The following SPAG16 variants were observed in gnomAD, a reference collection of about 807,000 sequenced individuals.
The protein encoded by SPAG16 is sperm-associated antigen 16 protein.
Under a neutral mutation model 80.4 loss-of-function variants are expected in SPAG16, and 86 were observed. The ratio of observed to expected loss-of-function variants is 1.07; its 90% CI spans 0.90 to 1.28. The LOEUF is 1.28. Ranked by LOEUF, SPAG16 falls within the 50% of genes most tolerant of loss-of-function variation. The pLI, the probability that SPAG16 is intolerant of heterozygous loss-of-function variation, is 0.00. For synonymous variants in SPAG16, 294 were observed against 265.9 expected, an observed-to-expected ratio of 1.11 and a Z score of -1.03; for missense variants, 870 against 765.3, an observed-to-expected ratio of 1.14 and a Z score of -1.61.
chr2:213,443,014 C>A (rs1030475366), intron 9 of SPAG16, among the ~76,000 whole-genome samples: 2 of 151,960 alleles, frequency 1.3e-5, no homozygotes, highest in African/African-American at 4.8e-5. Flanking sequence ...TGATAAAGGA[C>A]CATTATACAA....
chr2:213,760,067 T>G (rs1450640029), intron 10 of SPAG16, among the ~76,000 whole-genome samples: 1 of 151,922 alleles, frequency 6.6e-6, no homozygotes, highest in Non-Finnish European at 1.5e-5. Flanking sequence ...TCAAAAATAG[T>G]AAAATGACAG....
At chr2:213,837,677 C>A (rs926229121) in intron 10 of SPAG16, among the ~76,000 whole-genome samples, 13 of 152,128 alleles carry the variant, frequency 8.5e-5, no homozygotes, top group Admixed American at 2.0e-4. Flanking sequence ...CCCCAAAACC[C>A]GGAATCCATA....
At chr2:213,386,322 A>G (rs1027458624) in intron 9 of SPAG16, among the ~76,000 whole-genome samples, 1 of 152,114 alleles carries the variant, frequency 6.6e-6, no homozygotes, top group African/African-American at 2.4e-5. Flanking sequence ...AAATATATAT[A>G]TATTTTGGTT....
intron 6 of SPAG16, among the ~76,000 whole-genome samples, chr2:213,343,661 C>T (rs1183532183): frequency 1.3e-5 from 2 of 151,412 alleles, no homozygotes; most frequent in Admixed American, 6.6e-5. Flanking sequence ...CAGAATTAAA[C>T]TGAAATTTGA....
chr2:213,301,921 G>A (rs72935177), intron 3 of SPAG16, among the ~76,000 whole-genome samples: 31,748 of 151,924 alleles, frequency 0.21, 4,323 homozygotes, highest in Non-Finnish European at 0.31. Context: ...TTTCCTCATC[G>A]TCTGTAACGT....
At chr2:214,190,686 A>G (rs968692031) in intron 15 of SPAG16, among the ~76,000 whole-genome samples, 1 of 152,020 alleles carries the variant, frequency 6.6e-6, no homozygotes, top group Admixed American at 6.6e-5. Context: ...CCATTATGAG[A>G]GTGGGGGCCC....
intron 12 of SPAG16, among the ~76,000 whole-genome samples, chr2:213,975,538 C>A (rs2045324593): frequency 6.6e-6 from 1 of 151,278 alleles, no homozygotes; most frequent in South Asian, 2.1e-4. Flanking sequence ...AAAGAGTTCT[C>A]AAATAAATAC....
At chr2:213,988,692 AC>A (rs1289021633) in intron 12 of SPAG16, among the ~76,000 whole-genome samples, 3 of 151,664 alleles carry the variant, frequency 2.0e-5, no homozygotes, top group Middle Eastern at 3.4e-3. Context: ...AAAAAAAAAA[AC>A]ATTCAAAATA....
chr2:213,538,881 A>C (rs2076338923), intron 10 of SPAG16, among the ~76,000 whole-genome samples: 1 of 152,192 alleles, frequency 6.6e-6, no homozygotes, highest in South Asian at 2.1e-4. Flanking sequence ...ACATACAGAC[A>C]CACACATAAT....
intron 10 of SPAG16, among the ~76,000 whole-genome samples, chr2:213,528,534 T>A (rs559785839): frequency 5.3e-5 from 8 of 152,132 alleles, no homozygotes; most frequent in African/African-American, 1.9e-4. Flanking sequence ...GCCTTCTCAA[T>A]ACAGAATAAT....
intron 10 of SPAG16, among the ~76,000 whole-genome samples, chr2:213,679,221 A>C (rs1214767522): frequency 6.6e-6 from 1 of 152,228 alleles, no homozygotes. Flanking sequence ...TTATCTATAC[A>C]CTATGGTCAT....
intron 7 of SPAG16, among the ~76,000 whole-genome samples, chr2:213,355,772 G>T (rs1466657477): frequency 5.3e-5 from 8 of 152,162 alleles, no homozygotes. Flanking sequence ...GGGCTGAGAT[G>T]ATGGGGTTTT....
At chr2:213,617,005 T>C (rs2061617846) in intron 10 of SPAG16, among the ~76,000 whole-genome samples, 1 of 152,086 alleles carries the variant, frequency 6.6e-6, no homozygotes, top group African/African-American at 2.4e-5. Context: ...GTGTCTTTGT[T>C]TGCATGCACA....
chr2:214,396,173 C>A (rs892810281), intron 15 of SPAG16, among the ~76,000 whole-genome samples: 13 of 151,834 alleles, frequency 8.6e-5, no homozygotes, highest in Non-Finnish European at 8.8e-5. Context: ...TTTAAGAGTT[C>A]TTTGTATAAT....
At chr2:214,392,208 G>A (rs1020686278) in intron 15 of SPAG16, among the ~76,000 whole-genome samples, 2 of 152,034 alleles carry the variant, frequency 1.3e-5, no homozygotes, top group Admixed American at 1.3e-4. Context: ...CCATCACCCA[G>A]GCTGGAATGC....
intron 10 of SPAG16, among the ~76,000 whole-genome samples, chr2:213,648,607 C>A (rs1004998332): frequency 3.9e-5 from 6 of 152,098 alleles, no homozygotes; most frequent in African/African-American, 1.4e-4. Context: ...CACACACACA[C>A]ACACACACAC....
At chr2:214,096,391 T>C (rs753538967) in intron 13 of SPAG16, among the ~76,000 whole-genome samples, 2 of 152,046 alleles carry the variant, frequency 1.3e-5, no homozygotes, top group African/African-American at 2.4e-5. Flanking sequence ...GTTGGACATA[T>C]TGTGACAAAG....
At chr2:213,864,041 G>A (rs1438906843) in intron 11 of SPAG16, among the ~76,000 whole-genome samples, 1 of 151,924 alleles carries the variant, frequency 6.6e-6, no homozygotes, top group Non-Finnish European at 1.5e-5. Context: ...AATAGCAAAT[G>A]TTCTTTTTGT....
At chr2:213,815,054 C>T (rs901803301) in intron 10 of SPAG16, among the ~76,000 whole-genome samples, 1 of 151,900 alleles carries the variant, frequency 6.6e-6, no homozygotes, top group African/African-American at 2.4e-5. Flanking sequence ...AACTATCAAC[C>T]AACTTAACCT....
Sources: allele counts gnomAD v4.1 joint callset (sites outside exome capture counted in the v4.1 genomes callset), GRCh38; gene constraint gnomAD v4.1.1; transcripts MANE v1.5; gene names NCBI Gene and HGNC (gene_info 2026-07-23, HGNC 2026-07-21).